The following TRIM9 variants were observed in gnomAD, a reference collection of about 807,000 sequenced individuals.
TRIM9 encodes tripartite motif containing 9, also known as E3 ubiquitin-protein ligase TRIM9.
In TRIM9, 26 loss-of-function variants were observed where a neutral mutation model predicts 78.3. That is an observed-to-expected ratio of 0.33 (90% CI 0.24 to 0.46). The LOEUF (loss-of-function observed/expected upper bound fraction) is 0.46, where lower values mean the gene tolerates loss of function less well. TRIM9 is among the 20% of genes least tolerant of loss of function. TRIM9 has a pLI of 1.00. For missense variants in TRIM9, 787 were observed against 1,036.4 expected (o/e 0.76, Z 3.30); for synonymous variants, 398 against 416.5 (o/e 0.96, Z 0.54).
At chr14:51,042,360 G>A (rs2059638246) in intron 1 of TRIM9, among the ~76,000 whole-genome samples, 1 of 152,094 alleles carries the variant, frequency 6.6e-6, no homozygotes, top group Non-Finnish European at 1.5e-5. Flanking sequence ...TCCTCTCAAA[G>A]CTTAGGAAGG....
rs145940794 is a variant in TRIM9 at position 51,085,641 on chromosome 14, G to C, written c.822+8477C>G. Among the ~76,000 whole-genome samples the C allele has an allele frequency of 2.5e-4, 38 of 152,228 alleles. 1 individual carries two copies. The East Asian group carries it at 7.3e-3, about 29-fold the overall frequency. Reference sequence around the variant, plus strand: ...GCTTACAGATTTAAACATGTTTTGTGTTTTCAAAAATGGACTTATAAATGT... The same window carrying C: ...GCTTACAGATTTAAACATGTTTTGTCTTTTCAAAAATGGACTTATAAATGT... On this transcript the variant is annotated intron_variant, in intron 1 of 12. Coordinates refer to ENST00000684578, the MANE Select transcript of TRIM9 (RefSeq NM_001387360.1).
In TRIM9 at chr14:51,071,270, G is replaced by T. The variant is rs539111948; in HGVS notation, c.822+22848C>A. Among the ~76,000 whole-genome samples the T allele has an allele frequency of 4.0e-5, 6 of 151,796 alleles. 1 individual carries two copies. The highest frequency in any genetic ancestry group is 1.5e-4 in the African/African-American group (6 of 41,360). On this transcript the variant is annotated intron_variant, in intron 1 of 12. Coordinates refer to ENST00000684578, the MANE Select transcript of TRIM9 (RefSeq NM_001387360.1). ...ACATGCCTGTAATCCCAGCTACTCT[G>T]GAGGCTGAGGCAGGGGAATTGCTTG... is the stretch of plus-strand genomic sequence containing the variant.
intron 7 of TRIM9, among the ~76,000 whole-genome samples, chr14:50,987,839 T>C (rs1296343298): frequency 1.3e-5 from 2 of 152,220 alleles, no homozygotes; most frequent in Non-Finnish European, 2.9e-5. Context: ...TCTCACTCTG[T>C]TGCCCAGGCC....
intron 8 of TRIM9, 26 bp from the exon 9 acceptor site, chr14:50,983,447 G>A (rs183019962): frequency 1.1e-4 from 164 of 1,515,496 alleles, no homozygotes; most frequent in East Asian, 4.5e-4. Flanking sequence ...ACACATCAAC[G>A]CTATGAAACA....
At chr14:51,059,822 CAAAAAAACAA>C (rs2061199178) in intron 1 of TRIM9, among the ~76,000 whole-genome samples, 1 of 149,412 alleles carries the variant, frequency 6.7e-6, no homozygotes, top group South Asian at 2.1e-4. Flanking sequence ...AAAAAAAACA[CAAAAAAACAA>C]AAAAACTAAA....
chr14:51,041,848 AT>A (rs2059602191), intron 1 of TRIM9, among the ~76,000 whole-genome samples: 1 of 152,232 alleles, frequency 6.6e-6, no homozygotes, highest in Admixed American at 6.5e-5. Flanking sequence ...TCCCAATAAC[AT>A]TTATATAAAG....
chr14:51,056,256 C>T (rs1385119282), intron 1 of TRIM9, among the ~76,000 whole-genome samples: 1 of 152,128 alleles, frequency 6.6e-6, no homozygotes, highest in Admixed American at 6.5e-5. Context: ...ATTCTTTATC[C>T]TGCAAGAGAA....
At chr14:51,091,819 T>G (rs1341846994) in intron 1 of TRIM9, among the ~76,000 whole-genome samples, 1 of 152,194 alleles carries the variant, frequency 6.6e-6, no homozygotes, top group Non-Finnish European at 1.5e-5. Flanking sequence ...TTAACATTCT[T>G]TTGTGGCAGG....
At chr14:51,037,363 A>G (rs1289047935) in intron 1 of TRIM9, among the ~76,000 whole-genome samples, 4 of 152,204 alleles carry the variant, frequency 2.6e-5, no homozygotes, top group Middle Eastern at 3.2e-3. Flanking sequence ...TGGAACTTGG[A>G]AAAACAGGAA....
Position 51,081,209 on chromosome 14 carries a change from T to A in TRIM9, c.822+12909A>T, listed in dbSNP as rs1384543106. On this transcript the variant is annotated intron_variant, in intron 1 of 12. Coordinates refer to ENST00000684578, the MANE Select transcript of TRIM9 (RefSeq NM_001387360.1). ...AAAGACTTTAAATAGACATTTCTCT[T>A]AAAAAATACATAAAATAGCCAATAA... Among the ~76,000 whole-genome samples, 3 of 152,150 alleles carry A rather than the reference T, an allele frequency of 2.0e-5. No individual in the cohort carries two copies. In the South Asian group the frequency reaches 6.2e-4, roughly 32 times the overall value.
chr14:51,094,407 G>A lies in TRIM9; in HGVS notation c.533C>T (p.Ala178Val). 6.2e-7 allele frequency: 1 copy of A among 1,613,928 alleles called. No individual in the cohort carries two copies. Among genetic ancestry groups the A allele is most frequent in the Non-Finnish European group, 8.5e-7 (1 of 1,180,008 alleles). Residue 178 changes from alanine to valine, a missense_variant, in exon 1 of 13, where the codon GCC becomes GTC. Ala to Val is a moderately conservative substitution (Grantham distance 64). Around this residue, in one of 3 missense-constraint regions of TRIM9, gnomAD observed 352 missense variants for 472.3 expected, o/e 0.75. Transcript: ENST00000684578. ...CQLCEKAPKE[A>V]TVMCEQCDVF... is the part of the protein sequence containing the mutation. ...ATCGCACTGTTCGCACATGACGGTG[G>A]CTTCCTTGGGCGCCTTCTCGCAGAG...
intron 1 of TRIM9, among the ~76,000 whole-genome samples, chr14:51,051,349 A>G (rs2060405633): frequency 1.3e-5 from 2 of 152,192 alleles, no homozygotes; most frequent in Non-Finnish European, 2.9e-5. Context: ...AAGAAGCAGG[A>G]GCAGTTATTC....
intron 1 of TRIM9, among the ~76,000 whole-genome samples, chr14:51,041,279 TG>T (rs2059559187): frequency 6.6e-6 from 1 of 152,262 alleles, no homozygotes; most frequent in Admixed American, 6.5e-5. Context: ...ACAAAATAAC[TG>T]TGCAATCATT....
At chr14:50,995,663 T>G (rs1198558743) in intron 7 of TRIM9, among the ~76,000 whole-genome samples, 6 of 152,172 alleles carry the variant, frequency 3.9e-5, no homozygotes, top group Non-Finnish European at 5.9e-5. Context: ...GATACAGAAT[T>G]TTTGTTTTGA....
intron 1 of TRIM9, among the ~76,000 whole-genome samples, chr14:51,025,833 T>G (rs990182581): frequency 9.2e-5 from 14 of 152,174 alleles, no homozygotes; most frequent in African/African-American, 3.4e-4. Context: ...TGGGGCCACT[T>G]AAATATAATC....
At chr14:51,059,598 G>C (rs1158601107) in intron 1 of TRIM9, among the ~76,000 whole-genome samples, 2 of 152,094 alleles carry the variant, frequency 1.3e-5, no homozygotes, top group African/African-American at 4.8e-5. Flanking sequence ...AGGAGTTCAA[G>C]ACCAGCCTGA....
intron 3 of TRIM9, among the ~76,000 whole-genome samples, chr14:51,015,621 T>G (rs1486060278): frequency 1.4e-5 from 2 of 146,512 alleles, no homozygotes; most frequent in Non-Finnish European, 3.0e-5. Flanking sequence ...TCAAGTGATC[T>G]TCCCATCTCA....
At chr14:50,983,346 G>T in intron 9 of TRIM9, 34 bp downstream of exon 9, 3 of 1,501,276 alleles carry the variant, frequency 2.0e-6, no homozygotes, top group Non-Finnish European at 2.7e-6. Flanking sequence ...CACCAATCAC[G>T]TAAGTAAAAG....
chr14:51,057,174 G>C (rs529147985), intron 1 of TRIM9, among the ~76,000 whole-genome samples: 1 of 152,256 alleles, frequency 6.6e-6, no homozygotes, highest in African/African-American at 2.4e-5. Context: ...CAATTCTTTG[G>C]TAGACATTGC....
Sources: gnomAD v4.1 joint callset for allele counts (sites outside exome capture counted in the v4.1 genomes callset) on GRCh38, gnomAD v4.1.1 for gene constraint, gnomAD v4.1.1 regional missense constraint, MANE v1.5 for transcripts, NCBI Gene and HGNC (gene_info 2026-07-23, HGNC 2026-07-21) for gene names.